PTPRD: variants seen among roughly 807,000 people sequenced by gnomAD.
PTPRD encodes receptor-type tyrosine-protein phosphatase delta.
Under a neutral mutation model 214.5 loss-of-function variants are expected in PTPRD, and 34 were observed. That is an observed-to-expected ratio of 0.16 (90% CI 0.12 to 0.21). The LOEUF (loss-of-function observed/expected upper bound fraction) is 0.21. Among genes scored for constraint, PTPRD ranks in the 10% least tolerant of loss-of-function variants. The probability of loss-of-function intolerance (pLI) is 1.00; values close to 1 mark genes in which losing one functional copy is unlikely to be tolerated. For missense variants in PTPRD, 2,545 were observed against 2,398.7 expected, an observed-to-expected ratio of 1.06 and a Z score of -1.27; for synonymous variants, 1,128 against 845.7, an observed-to-expected ratio of 1.33 and a Z score of -5.79.
intron 2 of PTPRD, among the ~76,000 whole-genome samples, chr9:10,559,796 A>C (rs959483824): frequency 6.6e-5 from 10 of 152,156 alleles, no homozygotes; most frequent in Non-Finnish European, 1.3e-4. Flanking sequence ...CAGCCAAAAA[A>C]CACATGAAAA....
chr9:9,209,855 T>A (rs1398806448), intron 9 of PTPRD, among the ~76,000 whole-genome samples: 1 of 152,106 alleles, frequency 6.6e-6, no homozygotes, highest in East Asian at 1.9e-4. Flanking sequence ...ACAGAAGATA[T>A]GAAACTCCTG....
At chr9:8,364,701 C>G (rs746345734) in intron 39 of PTPRD, among the ~76,000 whole-genome samples, 1 of 152,228 alleles carries the variant, frequency 6.6e-6, no homozygotes, top group Non-Finnish European at 1.5e-5. Flanking sequence ...GTTTATCTAT[C>G]TCTGACATCT....
chr9:10,261,820 T>C (rs991047546), intron 3 of PTPRD, among the ~76,000 whole-genome samples: 3 of 152,206 alleles, frequency 2.0e-5, no homozygotes, highest in Admixed American at 2.0e-4. Context: ...GAAAACTGAA[T>C]TTTTTCTATA....
chr9:8,331,171 A>G (rs1408311157), intron 44 of PTPRD, among the ~76,000 whole-genome samples: 1 of 148,684 alleles, frequency 6.7e-6, no homozygotes. Context: ...AGAACTTAAT[A>G]TTGTCATTAG....
intron 7 of PTPRD, among the ~76,000 whole-genome samples, chr9:9,651,451 G>A (rs1431249313): frequency 6.6e-6 from 1 of 151,974 alleles, no homozygotes; most frequent in East Asian, 1.9e-4. Flanking sequence ...GTGTCCATTT[G>A]TTCTCATCAT....
intron 2 of PTPRD, among the ~76,000 whole-genome samples, chr9:10,602,163 A>G (rs2133393339): frequency 6.6e-6 from 1 of 151,958 alleles, no homozygotes; most frequent in Admixed American, 6.6e-5. Context: ...ATCTTGTGGT[A>G]TTAATTAAAA....
intron 10 of PTPRD, among the ~76,000 whole-genome samples, chr9:9,150,527 TC>T (rs2099875855): frequency 6.6e-6 from 1 of 150,466 alleles, no homozygotes; most frequent in African/African-American, 2.4e-5. Flanking sequence ...TCTTGCTATG[TC>T]ACCCAGACTG....
intron 9 of PTPRD, among the ~76,000 whole-genome samples, chr9:9,189,951 A>G (rs2099934086): frequency 1.3e-5 from 2 of 152,138 alleles, no homozygotes; most frequent in South Asian, 4.1e-4. Flanking sequence ...ACTTCCATGC[A>G]GAAGACTTTA....
At chr9:10,558,003 A>G (rs1421107339) in intron 2 of PTPRD, among the ~76,000 whole-genome samples, 4 of 152,126 alleles carry the variant, frequency 2.6e-5, no homozygotes, top group Non-Finnish European at 5.9e-5. Flanking sequence ...AATTCTTAAT[A>G]CTACTGGAAC....
At position 10,124,727 on chromosome 9, in the gene PTPRD, A is replaced by C. The variant is rs1449194319; in HGVS notation, c.-544-90937T>G. Among the ~76,000 whole-genome samples the C allele has an allele frequency of 2.0e-5, 3 of 152,202 alleles. No homozygotes were observed. The East Asian group carries it at 5.8e-4, about 29-fold the overall frequency. Reference sequence around the variant, plus strand: ...TTATTATTGTTTCTGCTAATGTTGTAATAATAAAGTTGCATGGGCTTTGAG... The same window carrying C: ...TTATTATTGTTTCTGCTAATGTTGTCATAATAAAGTTGCATGGGCTTTGAG... On this transcript the variant is annotated intron_variant, in intron 3 of 45. Transcript: ENST00000381196.
chr9:10,107,655 A>G (rs955763045), intron 3 of PTPRD, among the ~76,000 whole-genome samples: 1 of 152,116 alleles, frequency 6.6e-6, no homozygotes, highest in Non-Finnish European at 1.5e-5. Context: ...AATAAATATA[A>G]GTTTAATCCA....
intron 6 of PTPRD, among the ~76,000 whole-genome samples, chr9:9,755,451 C>A (rs1354662813): frequency 1.3e-5 from 2 of 152,062 alleles, no homozygotes; most frequent in African/African-American, 4.8e-5. Flanking sequence ...TAAGGCAGAG[C>A]TCCTCAAACT....
At chr9:8,547,889 T>C (rs2080733025) in intron 14 of PTPRD, among the ~76,000 whole-genome samples, 1 of 152,194 alleles carries the variant, frequency 6.6e-6, no homozygotes, top group Admixed American at 6.5e-5. Context: ...ATTTGTTCAA[T>C]TTAACAAATA....
At position 10,561,669 on chromosome 9, in the gene PTPRD, T is replaced by C. The variant is rs2064004214; in HGVS notation, c.-600+50729A>G. ...TAGACAGAGAAGGAAAATGTCTTCA[T>C]TTTCTATTTTGTGACATAATCTTTC... is the stretch of plus-strand genomic sequence containing the variant. On this transcript the variant is annotated intron_variant, in intron 2 of 45. Coordinates refer to ENST00000381196, the MANE Select transcript of PTPRD (RefSeq NM_002839.4). Among the ~76,000 whole-genome samples the C allele has an allele frequency of 2.6e-5, 4 of 152,256 alleles. No homozygotes were observed. In the South Asian group the frequency reaches 8.3e-4, roughly 32 times the overall value.
intron 5 of PTPRD, among the ~76,000 whole-genome samples, chr9:9,783,818 CGTTT>C (rs2098888749): frequency 2.6e-5 from 2 of 77,960 alleles, no homozygotes; most frequent in African/African-American, 7.1e-5. Flanking sequence ...TCTCCTGCTT[CGTTT>C]TTTTTTTTTT....
chr9:8,620,912 A>G (rs1240309513), intron 14 of PTPRD, among the ~76,000 whole-genome samples: 1 of 152,050 alleles, frequency 6.6e-6, no homozygotes, highest in East Asian at 1.9e-4. Flanking sequence ...GTAAAGTACA[A>G]TGCAGTTCTT....
chr9:9,243,768 T>C (rs1227131038), intron 9 of PTPRD, among the ~76,000 whole-genome samples: 1 of 152,074 alleles, frequency 6.6e-6, no homozygotes, highest in Non-Finnish European at 1.5e-5. Context: ...CTATTCAACA[T>C]AGTGTTGGAA....
intron 3 of PTPRD, among the ~76,000 whole-genome samples, chr9:10,264,642 C>G (rs1037076133): frequency 2.0e-5 from 3 of 152,154 alleles, no homozygotes; most frequent in African/African-American, 7.2e-5. Context: ...GCCAAAGGGA[C>G]TTGCCTTGTT....
intron 35 of PTPRD, among the ~76,000 whole-genome samples, chr9:8,432,893 C>T (rs1176185128): frequency 6.6e-6 from 1 of 152,216 alleles, no homozygotes; most frequent in Non-Finnish European, 1.5e-5. Context: ...GCTAAGCCTA[C>T]TGGGGAAGCT....
Sources: gnomAD v4.1 joint callset for allele counts (sites outside exome capture counted in the v4.1 genomes callset) on GRCh38, gnomAD v4.1.1 for gene constraint, MANE v1.5 for transcripts, NCBI Gene and HGNC (gene_info 2026-07-23, HGNC 2026-07-21) for gene names.